The following S100Z variants were observed in gnomAD, a reference collection of about 807,000 sequenced individuals.
S100Z encodes S100 calcium binding protein Z.
In S100Z, 11 loss-of-function variants were observed where a neutral mutation model predicts 8.5. The ratio of observed to expected loss-of-function variants is 1.30; its 90% CI spans 0.82 to 2.15. The LOEUF is 2.15. S100Z is among the 30% of genes most tolerant of loss of function. S100Z has a pLI of 0.00. For missense variants in S100Z, 126 were observed against 117.9 expected (o/e 1.07, Z -0.32); for synonymous variants, 34 against 43.8 (o/e 0.78, Z 0.89).
chr5:76,886,842 G>A (rs902679055), intron 4 of S100Z, among the ~76,000 whole-genome samples: 1 of 152,244 alleles, frequency 6.6e-6, no homozygotes, highest in Admixed American at 6.5e-5. Context: ...GGGTTGGGGC[G>A]ATTACAAAGT....
intron 4 of S100Z, among the ~76,000 whole-genome samples, chr5:76,905,150 A>T (rs998531547): frequency 1.3e-5 from 2 of 152,172 alleles, no homozygotes; most frequent in Non-Finnish European, 2.9e-5. Flanking sequence ...TCAATCTAAG[A>T]TGTCAATAGT....
At chr5:76,898,592 T>C (rs1177726472) in intron 4 of S100Z, among the ~76,000 whole-genome samples, 9 of 152,206 alleles carry the variant, frequency 5.9e-5, no homozygotes, top group Non-Finnish European at 1.3e-4. Flanking sequence ...TTTGTTGACA[T>C]GATGTATCGC....
the S100Z span, among the ~76,000 whole-genome samples, chr5:76,946,871 T>C: frequency 6.6e-6 from 1 of 152,220 alleles, no homozygotes; most frequent in Non-Finnish European, 1.5e-5. Flanking sequence ...TGTTTTGTTT[T>C]GTTTAACTCT....
chr5:76,935,943 A>G, the S100Z span, among the ~76,000 whole-genome samples: 1 of 151,942 alleles, frequency 6.6e-6, no homozygotes, highest in Non-Finnish European at 1.5e-5. Flanking sequence ...CACCGGGCTA[A>G]TTTTTGTATT....
At chr5:76,902,777 A>G (rs867982551) in intron 4 of S100Z, among the ~76,000 whole-genome samples, 6 of 152,098 alleles carry the variant, frequency 3.9e-5, no homozygotes, top group Non-Finnish European at 8.8e-5. Flanking sequence ...CTCTTTCCAC[A>G]GAACATTAGG....
chr5:76,860,724 T>C (rs1255879772), intron 1 of S100Z, among the ~76,000 whole-genome samples: 1 of 152,230 alleles, frequency 6.6e-6, no homozygotes, highest in Non-Finnish European at 1.5e-5. Flanking sequence ...TCTGTTAAGA[T>C]ATTCAAGGAG....
At chr5:76,931,451 T>C in the S100Z span, among the ~76,000 whole-genome samples, 1 of 152,136 alleles carries the variant, frequency 6.6e-6, no homozygotes, top group Non-Finnish European at 1.5e-5. Context: ...AATCTCATCA[T>C]GAGGTCCCCA....
chr5:76,857,084 G>A (rs188516841), intron 1 of S100Z, among the ~76,000 whole-genome samples: 2 of 152,276 alleles, frequency 1.3e-5, no homozygotes, highest in East Asian at 3.9e-4. Flanking sequence ...ACAAGGTCAG[G>A]AGTTCAAGAC....
intron 4 of S100Z, among the ~76,000 whole-genome samples, chr5:76,893,160 T>C (rs1293434992): frequency 3.3e-5 from 5 of 152,180 alleles, no homozygotes; most frequent in Non-Finnish European, 5.9e-5. Context: ...GTGTCTACTA[T>C]ATAATATTAA....
At chr5:76,888,436 C>T (rs1318829654) in intron 4 of S100Z, among the ~76,000 whole-genome samples, 7 of 108,726 alleles carry the variant, frequency 6.4e-5, no homozygotes, top group Admixed American at 2.8e-4. Context: ...AGTGCAGTGG[C>T]GTGACCTCGG....
chr5:76,949,114 C>A, the S100Z span, among the ~76,000 whole-genome samples: 2 of 152,184 alleles, frequency 1.3e-5, no homozygotes, highest in Admixed American at 6.5e-5. Context: ...TTAGGCCAGG[C>A]ACAGTGGCTC....
chr5:76,926,269 G>A (rs755837235), downstream of S100Z, among the ~76,000 whole-genome samples: 6 of 152,186 alleles, frequency 3.9e-5, no homozygotes, highest in East Asian at 1.9e-4. Flanking sequence ...ATTAGTAGCC[G>A]TGAGGGTTGG....
intron 2 of S100Z, among the ~76,000 whole-genome samples, chr5:76,874,932 T>C (rs1219517551): frequency 1.3e-5 from 2 of 152,156 alleles, no homozygotes; most frequent in Non-Finnish European, 2.9e-5. Flanking sequence ...TCGCCCAGGC[T>C]GGAGTGCAGT....
At chr5:76,911,708 CA>C (rs992098813) in intron 4 of S100Z, among the ~76,000 whole-genome samples, 7 of 152,206 alleles carry the variant, frequency 4.6e-5, no homozygotes, top group African/African-American at 1.7e-4. Flanking sequence ...TCTAGCTAAT[CA>C]AGGGTACAAG....
Position 76,913,857 on chromosome 5 carries a change from A to G in S100Z, c.*3-6860A>G, listed in dbSNP as rs544412423. Among the ~76,000 whole-genome samples the G allele has an allele frequency of 5.9e-5, 9 of 152,214 alleles. No individual in the cohort carries two copies. The South Asian group carries it at 1.9e-3, about 32-fold the overall frequency. On this transcript the variant is annotated intron_variant, in intron 4 of 4. Coordinates refer to ENST00000317593, the MANE Select transcript of S100Z (RefSeq NM_130772.4). ...AGATGCTGCCCGGCATTTACAGGAA[A>G]AGGCTTCTGAAATCAGACAACACCT...
At chr5:76,922,770 G>A (rs375253402), downstream of S100Z, among the ~76,000 whole-genome samples, 5 of 152,034 alleles carry the variant, frequency 3.3e-5, no homozygotes, top group Admixed American at 1.3e-4. Context: ...TGATCTGCCC[G>A]CCTCGGCCTC....
chr5:76,890,509 A>G (rs1437085942), intron 4 of S100Z, among the ~76,000 whole-genome samples: 1 of 152,138 alleles, frequency 6.6e-6, no homozygotes, highest in Non-Finnish European at 1.5e-5. Context: ...GGATCTGCTG[A>G]TGTGGTGACG....
intron 1 of S100Z, 109 bp from the exon 2 acceptor site, chr5:76,870,057 G>C (rs1426459954): frequency 6.6e-6 from 1 of 152,010 alleles, no homozygotes; most frequent in Non-Finnish European, 1.5e-5. Context: ...AAGCTGGTGT[G>C]ACCAAGGAAC....
At chr5:76,851,224 G>C (rs75752382) in intron 1 of S100Z, among the ~76,000 whole-genome samples, 1 of 152,166 alleles carries the variant, frequency 6.6e-6, no homozygotes, top group Non-Finnish European at 1.5e-5. Flanking sequence ...GCAGTGCCAC[G>C]TGTGCGGCAC....
Sources: allele counts gnomAD v4.1 joint callset (sites outside exome capture counted in the v4.1 genomes callset), GRCh38; gene constraint gnomAD v4.1.1; transcripts MANE v1.5; gene names NCBI Gene and HGNC (gene_info 2026-07-23, HGNC 2026-07-21).